The following QRSL1 variants were observed in gnomAD, a reference collection of about 807,000 sequenced individuals.
The protein encoded by QRSL1 is glutaminyl-tRNA amidotransferase subunit QRSL1.
In QRSL1, 54 loss-of-function variants were observed where a neutral mutation model predicts 61.6. The ratio of observed to expected loss-of-function variants is 0.88; its 90% CI spans 0.70 to 1.10. QRSL1 has a LOEUF of 1.10. Among genes scored for constraint, QRSL1 ranks in the 50% least tolerant of loss-of-function variants. QRSL1 has a pLI of 0.00. For missense variants in QRSL1, 505 were observed against 622.6 expected, an observed-to-expected ratio of 0.81 and a Z score of 2.01; for synonymous variants, 228 against 225.7, an observed-to-expected ratio of 1.01 and a Z score of -0.09.
intron 8 of QRSL1, among the ~76,000 whole-genome samples, chr6:106,655,177 C>T (rs973335784): frequency 1.3e-5 from 2 of 152,084 alleles, no homozygotes; most frequent in African/African-American, 4.8e-5. Flanking sequence ...TGCTCAGTCC[C>T]GCTAATGTAG....
rs1258627216 is a variant in QRSL1, at chr6:106,652,701, A to G, written c.849+119A>G. Reference sequence around the variant, plus strand: ...CTCTGCCACTTTTATTAATCATGTGAGTTGAGTATGTGACTTAATCTCTTT... The same window carrying G: ...CTCTGCCACTTTTATTAATCATGTGGGTTGAGTATGTGACTTAATCTCTTT... On this transcript the variant is annotated intron_variant, in intron 7 of 10. Transcript: ENST00000369046. The G allele has an allele frequency of 5.1e-6, 8 of 1,556,778 alleles. No individual in the cohort carries two copies. In the African/African-American group the frequency reaches 9.6e-5, roughly 19 times the overall value.
chr6:106,653,975 A>G (rs1416450582), intron 7 of QRSL1, among the ~76,000 whole-genome samples: 1 of 152,210 alleles, frequency 6.6e-6, no homozygotes, highest in East Asian at 1.9e-4. Context: ...TCTTATGTCA[A>G]GATTTTTCAT....
At chr6:106,655,360 A>G (rs1166532466) in intron 8 of QRSL1, among the ~76,000 whole-genome samples, 2 of 152,046 alleles carry the variant, frequency 1.3e-5, no homozygotes, top group Admixed American at 1.3e-4. Context: ...AAAAATGTGA[A>G]TCTAAATAAG....
chr6:106,639,499 G>A (rs931209995), intron 1 of QRSL1, among the ~76,000 whole-genome samples: 3 of 152,056 alleles, frequency 2.0e-5, no homozygotes, highest in Non-Finnish European at 2.9e-5. Flanking sequence ...GAAAATACTC[G>A]GTAAATACTA....
intron 3 of QRSL1, chr6:106,642,782 G>C (rs183203591): frequency 2.7e-6 from 2 of 742,386 alleles, no homozygotes; most frequent in African/African-American, 1.7e-5. Context: ...TGAGGAAAAT[G>C]ATGAGGAAAA....
rs1554200732 is a variant in QRSL1, at chr6:106,639,116, G to GTTTTTTTTTTT, written c.25-1231_25-1230insTTTTTTTTTTT. On this transcript the variant is annotated intron_variant, in intron 1 of 10. Transcript: ENST00000369046. Reference sequence around the variant, plus strand: ...ACTTGTGTGGTTATTTGTGTGTTTTGTTGTTTTTTTTTTTTTTTTTTTTTT... The same window carrying GTTTTTTTTTTT: ...ACTTGTGTGGTTATTTGTGTGTTTTGTTTTTTTTTTTTTGTTTTTTTTTTTTTTTTTTTTTT... Among the ~76,000 whole-genome samples the GTTTTTTTTTTT allele has an allele frequency of 2.8e-3, 152 of 54,338 alleles. 12 individuals are homozygous for GTTTTTTTTTTT. Among genetic ancestry groups the GTTTTTTTTTTT allele is most frequent in the East Asian group, 0.012 (29 of 2,514 alleles). 35.6% of individuals were successfully genotyped at this position (54,338 alleles called of 152,430 possible). A position where few individuals can be genotyped will look rare whatever the true frequency, so the allele number is the denominator to read the frequency against.
intron 5 of QRSL1, among the ~76,000 whole-genome samples, chr6:106,651,219 T>C (rs1018829381): frequency 1.3e-5 from 2 of 152,232 alleles, no homozygotes; most frequent in African/African-American, 4.8e-5. Context: ...TCCAGGTCCG[T>C]TTTTTGTTTT....
intron 9 of QRSL1, among the ~76,000 whole-genome samples, chr6:106,660,120 T>C (rs1169847747): frequency 1.3e-5 from 2 of 151,128 alleles, no homozygotes; most frequent in African/African-American, 4.9e-5. Flanking sequence ...ACATACTGTT[T>C]AGCTTCCTCT....
chr6:106,631,297 C>T, intron 1 of QRSL1, among the ~76,000 whole-genome samples: 1 of 152,256 alleles, frequency 6.6e-6, no homozygotes, highest in Middle Eastern at 3.4e-3. Flanking sequence ...TTAAATACAA[C>T]CTATAAAAAT....
intron 9 of QRSL1, among the ~76,000 whole-genome samples, chr6:106,657,305 G>T (rs1777287139): frequency 6.6e-6 from 1 of 150,712 alleles, no homozygotes; most frequent in East Asian, 2.0e-4. Context: ...TTATGTTCCA[G>T]ATTAAAAGAC....
rs763330687 is a variant in QRSL1 at position 106,640,834 on chromosome 6, G to A, written c.196G>A (p.Gly66Arg). ...GCTTTTTAATGCAGGACAGTCACTT[G>A]GGGATTTAGATGGAATTCCTATTGC... ...EKRYKNGQSL[G>R]DLDGIPIAVK... is the part of the protein sequence containing the mutation. Residue 66 changes from glycine to arginine, a missense_variant, in exon 3 of 11, where the codon GGG becomes AGG. Transcript: ENST00000369046. The A allele has an allele frequency of 3.8e-5, 62 of 1,613,250 alleles. No homozygotes were observed. Among genetic ancestry groups the A allele is most frequent in the Non-Finnish European group, 5.3e-5 (62 of 1,179,550 alleles).
Position 106,655,669 on chromosome 6 carries a change from G to T in QRSL1, c.1097G>T (p.Arg366Leu). The change falls in exon 9 of 11, where the codon CGA becomes CTA. Residue 366 changes from arginine (R) to leucine (L), a missense_variant. Transcript: ENST00000369046. ...STEAMYAATR[R>L]EGFNDVVRGR... is the part of the protein sequence containing the mutation. The stretch of plus-strand genomic sequence containing the variant: ...GAAGCCATGTATGCTGCAACCAGAC[G>T]AGAAGGGTTTAATGATGTGGTGAGA... The T allele has an allele frequency of 1.2e-6, 2 of 1,613,688 alleles. No homozygotes were observed. The highest frequency in any genetic ancestry group is 2.2e-5 in the South Asian group (2 of 91,054).
intron 1 of QRSL1, among the ~76,000 whole-genome samples, chr6:106,639,119 GTTTTTTTT>G (rs1177849683): frequency 8.1e-6 from 1 of 122,798 alleles, no homozygotes; most frequent in Non-Finnish European, 1.6e-5. Context: ...GTGTTTTGTT[GTTTTTTTT>G]TTTTTTTTTT....
At chr6:106,652,092 G>T in intron 5 of QRSL1, 117 bp from the exon 6 acceptor site, 1 of 1,020,258 alleles carries the variant, frequency 9.8e-7, no homozygotes, top group Non-Finnish European at 1.4e-6. Flanking sequence ...ATGAACATGT[G>T]TTACTTTTGT....
intron 9 of QRSL1, among the ~76,000 whole-genome samples, chr6:106,656,988 G>A (rs1302749864): frequency 6.6e-6 from 1 of 152,196 alleles, no homozygotes; most frequent in Admixed American, 6.5e-5. Context: ...TACTATTTGA[G>A]GCCGGGCCCA....
intron 1 of QRSL1, among the ~76,000 whole-genome samples, chr6:106,633,892 G>A (rs1345393040): frequency 6.6e-6 from 1 of 151,456 alleles, no homozygotes; most frequent in East Asian, 1.9e-4. Context: ...ACGGACAGAA[G>A]CTCCTGCTTC....
Position 106,629,608 on chromosome 6 carries a change from A to G in QRSL1, c.-74A>G. On this transcript the variant is annotated 5_prime_UTR_variant, in exon 1 of 11. The change abolishes the stop of an existing upstream ORF in the 5' untranslated region. Transcript: ENST00000369046. ...CAATTAAAGATGGCTGCGCCCATGT[A>G]ACATCACTAGCGACCGGTGACCTCT... is the stretch of plus-strand genomic sequence containing the variant. 1 of 1,541,458 alleles carries G rather than the reference A, an allele frequency of 6.5e-7. No individual in the cohort carries two copies. Among genetic ancestry groups the G allele is most frequent in the East Asian group, 2.4e-5 (1 of 41,330 alleles).
intron 3 of QRSL1, chr6:106,642,735 A>C (rs1777041970): frequency 1.3e-6 from 1 of 743,260 alleles, no homozygotes; most frequent in Non-Finnish European, 2.5e-6. Context: ...GAGCACAGTA[A>C]GTACTGTAAG....
intron 1 of QRSL1, among the ~76,000 whole-genome samples, chr6:106,630,775 TTTTG>T (rs1325517747): frequency 6.6e-6 from 1 of 152,158 alleles, no homozygotes; most frequent in African/African-American, 2.4e-5. Flanking sequence ...GAAGTTGTCG[TTTTG>T]TTTGTTTCCC....
Sources: allele counts gnomAD v4.1 joint callset (sites outside exome capture counted in the v4.1 genomes callset), GRCh38; gene constraint gnomAD v4.1.1; transcripts MANE v1.5; gene names NCBI Gene and HGNC (gene_info 2026-07-23, HGNC 2026-07-21).